The following LHCGR variants were observed in gnomAD, a reference collection of about 807,000 sequenced individuals.
LHCGR encodes the protein luteinizing hormone/choriogonadotropin receptor.
LHCGR carries 55 observed loss-of-function variants against 60.7 expected under a neutral mutation model. The observed-to-expected ratio is 0.91, with a 90% CI of 0.73 to 1.13. LHCGR has a LOEUF of 1.13. Ranked by LOEUF, LHCGR falls within the 50% of genes most tolerant of loss-of-function variation. The pLI is 0.00. For synonymous variants in LHCGR, 337 were observed against 316.5 expected (o/e 1.06, Z -0.69); for missense variants, 862 against 836.0 (o/e 1.03, Z -0.38).
intron 1 of LHCGR, among the ~76,000 whole-genome samples, chr2:48,740,186 G>T (rs1237734953): frequency 3.9e-5 from 6 of 152,260 alleles, no homozygotes; most frequent in South Asian, 4.1e-4. Flanking sequence ...GGCTCGGAGG[G>T]TCTTACGCCC....
intron 4 of LHCGR, among the ~76,000 whole-genome samples, chr2:48,725,192 A>G (rs559908791): frequency 1.3e-4 from 20 of 152,348 alleles, no homozygotes; most frequent in African/African-American, 4.6e-4. Context: ...GATTTAGTTT[A>G]TATGGCACAG....
intron 10 of LHCGR, among the ~76,000 whole-genome samples, chr2:48,692,539 C>A (rs558386913): frequency 6.6e-6 from 1 of 152,158 alleles, no homozygotes; most frequent in Non-Finnish European, 1.5e-5. Flanking sequence ...ATTGACAAAG[C>A]CCAGCACAGA....
intron 6 of LHCGR, among the ~76,000 whole-genome samples, chr2:48,714,466 C>G (rs544060685): frequency 6.6e-6 from 1 of 150,572 alleles, no homozygotes; most frequent in African/African-American, 2.4e-5. Flanking sequence ...CAGAGGAAGC[C>G]TCCAGCACTG....
chr2:48,752,891 C>T (rs1172821688), intron 1 of LHCGR, among the ~76,000 whole-genome samples: 1 of 146,064 alleles, frequency 6.8e-6, no homozygotes, highest in Non-Finnish European at 1.5e-5. Context: ...AAAAACTTCC[C>T]TCAATTCTGC....
chr2:48,740,125 T>C (rs1401245929), intron 1 of LHCGR, among the ~76,000 whole-genome samples: 1 of 152,248 alleles, frequency 6.6e-6, no homozygotes, highest in African/African-American at 2.4e-5. Flanking sequence ...AATACTGCTC[T>C]TTTCCAATGG....
At chr2:48,753,805 A>AGTGTCT (rs1553400603) in intron 1 of LHCGR, among the ~76,000 whole-genome samples, 1 of 149,812 alleles carries the variant, frequency 6.7e-6, no homozygotes, top group Non-Finnish European at 1.5e-5. Flanking sequence ...GGAGAAACTG[A>AGTGTCT]GTGTGTGTGT....
intron 2 of LHCGR, among the ~76,000 whole-genome samples, chr2:48,730,531 G>A (rs751321566): frequency 6.6e-6 from 1 of 152,172 alleles, no homozygotes; most frequent in Non-Finnish European, 1.5e-5. Flanking sequence ...TGCTTCCAAA[G>A]TCCAGTGGAT....
chr2:48,745,701 TG>T (rs1455302559), intron 1 of LHCGR, among the ~76,000 whole-genome samples: 4 of 52,370 alleles, frequency 7.6e-5, no homozygotes, highest in Admixed American at 3.2e-4. Context: ...TGTTGTGGGG[TG>T]GGGGGAGGGG....
At chr2:48,741,368 C>T (rs1669443894) in intron 1 of LHCGR, among the ~76,000 whole-genome samples, 1 of 152,124 alleles carries the variant, frequency 6.6e-6, no homozygotes, top group Non-Finnish European at 1.5e-5. Flanking sequence ...TCGAGAAGAG[C>T]AACTCCAAGA....
intron 4 of LHCGR, 78 bp downstream of exon 4, chr2:48,725,598 C>T (rs979970962): frequency 3.1e-5 from 32 of 1,022,310 alleles, no homozygotes; most frequent in Non-Finnish European, 5.0e-5. Flanking sequence ...CAAAATCTTT[C>T]CAACCTTTTC....
intron 1 of LHCGR, among the ~76,000 whole-genome samples, chr2:48,738,483 C>A (rs1342222266): frequency 6.6e-6 from 1 of 152,226 alleles, no homozygotes; most frequent in African/African-American, 2.4e-5. Flanking sequence ...CTCTTCCTGA[C>A]AACTCCTGCT....
Position 48,688,401 on chromosome 2 carries a change from G to A in LHCGR, c.1396C>T (p.His466Tyr). ...TLTVITLERW[H>Y]TITYAIHLDQ... ...AGGTGAATAGCATAGGTGATGGTGT[G>A]CCATCTTTCTAGAGTGATGACGGTG... Residue 466 changes from histidine (H) to tyrosine (Y), a missense_variant, in exon 11 of 11, where the codon CAC (histidine) becomes TAC (tyrosine). By Grantham distance (83) the His-to-Tyr change is moderately conservative. Coordinates refer to ENST00000294954, the MANE Select transcript of LHCGR (RefSeq NM_000233.4). This position sits in a 1 kb window ranked among gnomAD's most constrained non-coding sequence, Gnocchi z 5.2. The A allele has an allele frequency of 6.2e-7, 1 of 1,614,144 alleles. No homozygotes were observed. The highest frequency in any genetic ancestry group is 8.5e-7 in the Non-Finnish European group (1 of 1,180,014).
At chr2:48,738,429 T>A (rs1558885382) in intron 1 of LHCGR, among the ~76,000 whole-genome samples, 1 of 152,216 alleles carries the variant, frequency 6.6e-6, no homozygotes, top group Non-Finnish European at 1.5e-5. Context: ...CCTAATTGGT[T>A]TCCTGTCACT....
At chr2:48,709,053 T>C in intron 7 of LHCGR, 31 bp from the exon 8 acceptor site, 1 of 1,556,050 alleles carries the variant, frequency 6.4e-7, no homozygotes, top group Non-Finnish European at 8.9e-7. Context: ...CTTAGTGGAG[T>C]TTGTACCTCA....
intron 3 of LHCGR, 89 bp downstream of exon 3, chr2:48,729,064 A>G: frequency 3.0e-6 from 3 of 1,007,156 alleles, no homozygotes; most frequent in Non-Finnish European, 3.2e-6. Context: ...GATTCCTAGC[A>G]GTGGATGCTT....
chr2:48,687,787 T>C lies in LHCGR; in HGVS notation c.2010A>G (p.Ser670=). 1 of 1,614,192 alleles carries C rather than the reference T, an allele frequency of 6.2e-7. No individual in the cohort carries two copies. The highest frequency in any genetic ancestry group is 8.5e-7 in the Non-Finnish European group (1 of 1,180,024). The stretch of plus-strand genomic sequence containing the variant: ...TCAAGGTGGATTGAGAAGGCTTATT[T>C]GATCCAGTGAAGCCATTTTTGCAGT... ...TSNCKNGFTG[S]NKPSQSTLKL... The change falls in exon 11 of 11, where the codon TCA becomes TCG. Residue 670 remains serine (S), a synonymous_variant. Coordinates refer to ENST00000294954, the MANE Select transcript of LHCGR (RefSeq NM_000233.4).
intron 1 of LHCGR, 140 bp downstream of exon 1, chr2:48,755,371 G>A: frequency 1.6e-6 from 1 of 624,780 alleles, no homozygotes; most frequent in East Asian, 2.8e-5. Flanking sequence ...ACCCTAAAAC[G>A]TGGGGGAAAT....
At chr2:48,724,547 A>G (rs1315389545) in intron 4 of LHCGR, among the ~76,000 whole-genome samples, 1 of 152,120 alleles carries the variant, frequency 6.6e-6, no homozygotes, top group Non-Finnish European at 1.5e-5. Context: ...CTCTGTCTAC[A>G]GCTGGGGATA....
At chr2:48,712,164 C>A (rs1668025290) in intron 7 of LHCGR, among the ~76,000 whole-genome samples, 1 of 151,972 alleles carries the variant, frequency 6.6e-6, no homozygotes, top group African/African-American at 2.4e-5. Context: ...TCTTTTCCTG[C>A]TGCCTTTGAA....
Sources: allele counts gnomAD v4.1 joint callset (sites outside exome capture counted in the v4.1 genomes callset), GRCh38; gene constraint gnomAD v4.1.1; non-coding constraint Gnocchi (gnomAD v3.1); transcripts MANE v1.5; gene names NCBI Gene and HGNC (gene_info 2026-07-23, HGNC 2026-07-21).